LIMK2: variants seen among roughly 807,000 people sequenced by gnomAD.
LIMK2 encodes the protein LIM domain kinase 2.
In LIMK2, 35 loss-of-function variants were observed where a neutral mutation model predicts 75.7. That is an observed-to-expected ratio of 0.46 (90% CI 0.35 to 0.61). The LOEUF is 0.61. LIMK2 is among the 20% of genes least tolerant of loss of function. LIMK2 has a pLI of 0.00. For synonymous variants in LIMK2, 301 were observed against 319.2 expected (o/e 0.94, Z 0.61); for missense variants, 623 against 831.0 (o/e 0.75, Z 3.08).
At chr22:31,249,331 G>C (rs531138206) in intron 2 of LIMK2, among the ~76,000 whole-genome samples, 1 of 152,150 alleles carries the variant, frequency 6.6e-6, no homozygotes, top group Non-Finnish European at 1.5e-5. Flanking sequence ...GTAGTTGCTG[G>C]GGAAAGACCT....
At chr22:31,263,263 G>A (rs189840255) in intron 7 of LIMK2, among the ~76,000 whole-genome samples, 17 of 152,320 alleles carry the variant, frequency 1.1e-4, no homozygotes, top group African/African-American at 3.6e-4. Flanking sequence ...AAGTTGCCTT[G>A]AGTGGAAGCC....
intron 2 of LIMK2, among the ~76,000 whole-genome samples, chr22:31,243,970 G>C (rs1022364690): frequency 6.6e-6 from 1 of 152,176 alleles, no homozygotes; most frequent in African/African-American, 2.4e-5. Context: ...AATTTTTGGA[G>C]GTCAAATGGA....
At chr22:31,220,907 T>C (rs2048428108) in intron 1 of LIMK2, among the ~76,000 whole-genome samples, 1 of 152,052 alleles carries the variant, frequency 6.6e-6, no homozygotes, top group Non-Finnish European at 1.5e-5. Context: ...GAGGTTGTGG[T>C]GAGCCGAGAT....
At chr22:31,277,149 G>A (rs758622214) in intron 15 of LIMK2, 3 of 1,613,314 alleles carry the variant, frequency 1.9e-6, no homozygotes, top group African/African-American at 2.7e-5. Context: ...GAGGGTCCCC[G>A]ACCCAGGCGA....
At chr22:31,255,089 T>C (rs964104449) in intron 2 of LIMK2, among the ~76,000 whole-genome samples, 1 of 152,120 alleles carries the variant, frequency 6.6e-6, no homozygotes, top group African/African-American at 2.4e-5. Context: ...GGTGCTAAGA[T>C]TAGAACCTCA....
intron 2 of LIMK2, among the ~76,000 whole-genome samples, chr22:31,237,004 G>A (rs1601411310): frequency 6.6e-6 from 1 of 151,940 alleles, no homozygotes; most frequent in South Asian, 2.1e-4. Flanking sequence ...GCTCACGCAT[G>A]TAATCCCAGC....
intron 5 of LIMK2, among the ~76,000 whole-genome samples, chr22:31,261,035 G>T (rs1351588685): frequency 6.6e-6 from 1 of 152,226 alleles, no homozygotes; most frequent in Non-Finnish European, 1.5e-5. Flanking sequence ...GCTATTGTAG[G>T]CTGGGCATGG....
intron 2 of LIMK2, among the ~76,000 whole-genome samples, chr22:31,253,909 G>A (rs1259871050): frequency 2.0e-5 from 3 of 152,168 alleles, no homozygotes; most frequent in Non-Finnish European, 4.4e-5. Context: ...AGTCTACCAT[G>A]GCAACTTCTT....
rs1255464654 is a variant in LIMK2, at chr22:31,278,694, ACC to A, written c.*256_*257del. 5.9e-6 allele frequency: 2 copies of A among 339,094 alleles called. No homozygotes were observed. The highest frequency in any genetic ancestry group is 1.1e-5 in the Non-Finnish European group (2 of 186,948). The allele number at this position is 339,094 out of a possible 1,614,324, so 21.0% of individuals were successfully genotyped here. A position where few individuals can be genotyped will look rare whatever the true frequency, so the allele number is the denominator to read the frequency against. On this transcript the variant is annotated 3_prime_UTR_variant, in exon 16 of 16. Coordinates refer to ENST00000331728, the MANE Select transcript of LIMK2 (RefSeq NM_005569.4). ...CCTGAAAGCTGTGAAGAAGAAAAAA[ACC>A]CCTGGCCTTTGGGCCAGGAGGAATC...
chr22:31,215,021 T>A (rs1189650473), intron 1 of LIMK2, among the ~76,000 whole-genome samples: 1 of 152,142 alleles, frequency 6.6e-6, no homozygotes, highest in African/African-American at 2.4e-5. Flanking sequence ...GGTCTCAAAC[T>A]CCTGAGCTCA....
intron 2 of LIMK2, among the ~76,000 whole-genome samples, chr22:31,226,962 TTCAAA>T (rs1462870703): frequency 1.3e-5 from 2 of 152,206 alleles, no homozygotes; most frequent in Non-Finnish European, 2.9e-5. Flanking sequence ...TTATACAGAC[TTCAAA>T]TCAGATTTGT....
rs545976348 is a variant in LIMK2 at position 31,248,620 on chromosome 22, G to A, written c.117-9671G>A. The A allele has an allele frequency of 4.1e-4, 667 of 1,611,928 alleles. 1 individual carries two copies. The highest frequency in any genetic ancestry group is 5.6e-4 in the South Asian group (51 of 90,906). ...CAGCCTGCCTGCAGCCAGAGGTGCCGGGAGCCCCGGGCCTGTCATGGTGGC... is the reference window on the plus strand; with the variant it reads ...CAGCCTGCCTGCAGCCAGAGGTGCCAGGAGCCCCGGGCCTGTCATGGTGGC... On this transcript the variant is annotated intron_variant, in intron 2 of 15. Transcript: ENST00000331728.
intron 12 of LIMK2, 62 bp downstream of exon 12, chr22:31,271,263 A>G: frequency 6.9e-7 from 1 of 1,439,904 alleles, no homozygotes; most frequent in South Asian, 1.1e-5. Flanking sequence ...TCCTTGTCAC[A>G]AAGGAGGCTG....
At chr22:31,254,083 A>G (rs909974200) in intron 2 of LIMK2, among the ~76,000 whole-genome samples, 4 of 152,206 alleles carry the variant, frequency 2.6e-5, no homozygotes, top group African/African-American at 7.2e-5. Context: ...CTTGACACAG[A>G]TATGTGGACT....
intron 2 of LIMK2, among the ~76,000 whole-genome samples, chr22:31,255,187 C>T (rs964819929): frequency 1.3e-5 from 2 of 152,082 alleles, no homozygotes; most frequent in Non-Finnish European, 2.9e-5. Flanking sequence ...GGGGAAACAA[C>T]CCAGAGAGGG....
intron 14 of LIMK2, 78 bp from the exon 15 acceptor site, chr22:31,275,073 A>G: frequency 7.1e-7 from 1 of 1,412,350 alleles, no homozygotes; most frequent in Non-Finnish European, 1.0e-6. Context: ...TCCTGTCCAC[A>G]TCCCAGCATC....
In LIMK2 at chr22:31,225,793, C is replaced by T. The variant is rs201943592; in HGVS notation, c.90C>T (p.Asn30=). The change falls in exon 2 of 16, where the codon AAC becomes AAT. Residue 30 remains asparagine, a synonymous_variant. Transcript: ENST00000331728. ...GCCAGATATGGTACAGGACTGTCAA[C>T]GAAACCTGGCACGGCTCTTGCTTCC... The part of the protein sequence containing the change: ...APSQIWYRTV[N]ETWHGSCFRC... 39 of 1,613,940 alleles carry T rather than the reference C, an allele frequency of 2.4e-5. 1 individual carries two copies. The East Asian group carries it at 5.1e-4, about 21-fold the overall frequency.
chr22:31,218,025 G>GT (rs2048402206), intron 1 of LIMK2, among the ~76,000 whole-genome samples: 1 of 152,124 alleles, frequency 6.6e-6, no homozygotes, highest in African/African-American at 2.4e-5. Flanking sequence ...GATTTTAGAA[G>GT]TTTCTGTATT....
chr22:31,272,665 G>A lies in LIMK2; in HGVS notation c.1519G>A (p.Val507Met). ...KNDRKKRYTV[V>M]GNPYWMAPEM... The stretch of plus-strand genomic sequence containing the variant: ...CGACCGCAAGAAGCGCTACACGGTG[G>A]TGGGAAACCCCTACTGGATGGCCCC... The change falls in exon 13 of 16, where the codon GTG (valine) becomes ATG (methionine). Residue 507 changes from valine (V) to methionine (M), a missense_variant. This residue lies in a region of LIMK2 where 63 missense variants were observed against 122.8 expected (regional missense o/e 0.51). Coordinates refer to ENST00000331728, the MANE Select transcript of LIMK2 (RefSeq NM_005569.4). 1.2e-6 allele frequency: 2 copies of A among 1,613,328 alleles called. No individual in the cohort carries two copies. The highest frequency in any genetic ancestry group is 2.2e-5 in the South Asian group (2 of 90,968).
Sources: gnomAD v4.1 joint callset for allele counts (sites outside exome capture counted in the v4.1 genomes callset) on GRCh38, gnomAD v4.1.1 for gene constraint, gnomAD v4.1.1 regional missense constraint, MANE v1.5 for transcripts, NCBI Gene and HGNC (gene_info 2026-07-23, HGNC 2026-07-21) for gene names.